VWA3B: variants seen among roughly 807,000 people sequenced by gnomAD.
The protein encoded by VWA3B is von Willebrand factor A domain-containing protein 3B.
In VWA3B, 138 loss-of-function variants were observed where a neutral mutation model predicts 158.3. The observed-to-expected ratio is 0.87, with a 90% confidence interval of 0.76 to 1.00. VWA3B has a LOEUF of 1.00. Among genes scored for constraint, VWA3B ranks in the 50% least tolerant of loss-of-function variants. The probability of loss-of-function intolerance (pLI) is 0.00; values close to 1 mark genes in which losing one functional copy is unlikely to be tolerated. For synonymous variants in VWA3B, 596 were observed against 587.3 expected, an observed-to-expected ratio of 1.01 and a Z score of -0.21; for missense variants, 1,555 against 1,565.1, an observed-to-expected ratio of 0.99 and a Z score of 0.11.
At chr2:98,115,805 G>A (rs929378968) in intron 3 of VWA3B, 59 bp downstream of exon 3, 3 of 1,402,230 alleles carry the variant, frequency 2.1e-6, no homozygotes, top group Admixed American at 3.4e-5. Context: ...TCACATCGGA[G>A]AGTGCAGTGT....
intron 2 of VWA3B, among the ~76,000 whole-genome samples, chr2:98,108,985 T>C (rs1432537243): frequency 1.4e-5 from 2 of 140,314 alleles, no homozygotes; most frequent in East Asian, 1.9e-4. Context: ...ATAATGTTTC[T>C]TTTCTTTTCT....
At chr2:98,147,824 A>G (rs867380786) in intron 7 of VWA3B, among the ~76,000 whole-genome samples, 16 of 151,552 alleles carry the variant, frequency 1.1e-4, no homozygotes, top group South Asian at 6.3e-4. Flanking sequence ...TACATTAGGT[A>G]TATCTCCTAA....
intron 7 of VWA3B, among the ~76,000 whole-genome samples, chr2:98,135,370 C>T (rs1285642075): frequency 9.4e-6 from 1 of 106,526 alleles, no homozygotes; most frequent in Non-Finnish European, 1.7e-5. Context: ...GAGTCTCGCT[C>T]TGTCGCCCAG....
At chr2:98,220,574 C>T (rs1684409824) in intron 14 of VWA3B, among the ~76,000 whole-genome samples, 2 of 152,128 alleles carry the variant, frequency 1.3e-5, no homozygotes, top group African/African-American at 4.8e-5. Context: ...ACCAGAAATA[C>T]CATTTGACCC....
chr2:98,312,569 C>T lies in VWA3B; in HGVS notation c.*220C>T, dbSNP rs1690977640. The T allele has an allele frequency of 1.8e-6, 1 of 555,102 alleles. No individual in the cohort carries two copies. Among genetic ancestry groups the T allele is most frequent in the African/African-American group, 1.9e-5 (1 of 53,506 alleles). The allele number at this position is 555,102 out of a possible 1,614,324, so 34.4% of individuals were successfully genotyped here. ...TGGCTTTTTCTGACTGTTCTTTATC[C>T]TGTTTTCCCCCTGCACTCACAAAAT... On this transcript the variant is annotated 3_prime_UTR_variant, in exon 28 of 28. Coordinates refer to ENST00000477737, the MANE Select transcript of VWA3B (RefSeq NM_144992.5).
intron 9 of VWA3B, among the ~76,000 whole-genome samples, chr2:98,184,373 C>T (rs146990130): frequency 0.014 from 2,155 of 152,306 alleles, 142 homozygotes; most frequent in Admixed American, 0.11. Flanking sequence ...AACCTCTTTC[C>T]GCCTTTTCTG....
chr2:98,322,057 C>A, the VWA3B span, among the ~76,000 whole-genome samples: 1 of 152,316 alleles, frequency 6.6e-6, no homozygotes, highest in South Asian at 2.1e-4. Context: ...CCATGTAAGT[C>A]ATGCCTTTTT....
At chr2:98,129,928 G>A (rs1381169364) in intron 6 of VWA3B, among the ~76,000 whole-genome samples, 8 of 152,092 alleles carry the variant, frequency 5.3e-5, no homozygotes, top group South Asian at 2.1e-4. Context: ...AGTGTTTCTC[G>A]TTAGGTGGAA....
At position 98,125,997 on chromosome 2, in the gene VWA3B, C is replaced by T. The variant is rs1675320826; in HGVS notation, c.703-2242C>T. Reference sequence around the variant, plus strand: ...GTTTTTCTAAGTGTCATCACGTGAGCAGAAAGGAGAGGCAGAAAGACCGTG... The same window carrying T: ...GTTTTTCTAAGTGTCATCACGTGAGTAGAAAGGAGAGGCAGAAAGACCGTG... On this transcript the variant is annotated intron_variant, in intron 5 of 27. Transcript: ENST00000477737. This position sits in a 1 kb window ranked among gnomAD's most constrained non-coding sequence, Gnocchi z 4.1. Among the ~76,000 whole-genome samples the T allele has an allele frequency of 6.6e-6, 1 of 152,064 alleles. No homozygotes were observed. The highest frequency in any genetic ancestry group is 2.4e-5 in the African/African-American group (1 of 41,400).
chr2:98,241,644 G>T (rs1686080643), intron 19 of VWA3B, among the ~76,000 whole-genome samples: 1 of 151,840 alleles, frequency 6.6e-6, no homozygotes, highest in Non-Finnish European at 1.5e-5. Flanking sequence ...GAGTAGTGAG[G>T]GTCTTGTTCT....
chr2:98,183,453 A>C (rs1206310151), intron 9 of VWA3B, among the ~76,000 whole-genome samples: 1 of 152,146 alleles, frequency 6.6e-6, no homozygotes, highest in Non-Finnish European at 1.5e-5. Context: ...AATGGCTAAA[A>C]AGGCCTTATT....
chr2:98,302,712 C>A (rs531399689), intron 25 of VWA3B, among the ~76,000 whole-genome samples: 3 of 152,160 alleles, frequency 2.0e-5, no homozygotes, highest in Non-Finnish European at 4.4e-5. Context: ...AGTAGGCATT[C>A]GAACACAGAC....
intron 13 of VWA3B, among the ~76,000 whole-genome samples, chr2:98,216,449 A>C (rs1277599203): frequency 6.6e-6 from 1 of 152,282 alleles, no homozygotes; most frequent in African/African-American, 2.4e-5. Context: ...CTAAAGCCTT[A>C]GCATAGGGTA....
intron 9 of VWA3B, among the ~76,000 whole-genome samples, chr2:98,183,120 T>A (rs1203355448): frequency 6.6e-6 from 1 of 151,654 alleles, no homozygotes; most frequent in Non-Finnish European, 1.5e-5. Context: ...GAATTTTACC[T>A]CAATTTTTTT....
chr2:98,326,709 A>G, the VWA3B span, among the ~76,000 whole-genome samples: 1 of 152,184 alleles, frequency 6.6e-6, no homozygotes, highest in East Asian at 1.9e-4. Flanking sequence ...GTGAGCCAAG[A>G]TTGTGCCACT....
At chr2:98,177,845 T>C (rs759218557) in intron 8 of VWA3B, among the ~76,000 whole-genome samples, 1 of 152,192 alleles carries the variant, frequency 6.6e-6, no homozygotes, top group Non-Finnish European at 1.5e-5. Flanking sequence ...CTTGAATTTA[T>C]ACTTGATAGA....
At chr2:98,297,404 T>C (rs1227188935) in intron 23 of VWA3B, among the ~76,000 whole-genome samples, 1 of 152,204 alleles carries the variant, frequency 6.6e-6, no homozygotes, top group Non-Finnish European at 1.5e-5. Flanking sequence ...TCTTTGTTCC[T>C]TTCAGCTGTA....
intron 8 of VWA3B, among the ~76,000 whole-genome samples, chr2:98,169,028 A>G (rs1306909121): frequency 6.6e-6 from 1 of 152,202 alleles, no homozygotes; most frequent in East Asian, 1.9e-4. Context: ...GGAAAACTAC[A>G]CCCAGAGACA....
intron 25 of VWA3B, among the ~76,000 whole-genome samples, chr2:98,301,898 A>G (rs1021381564): frequency 6.6e-6 from 1 of 151,984 alleles, no homozygotes; most frequent in African/African-American, 2.4e-5. Context: ...TGCCCTTTCT[A>G]TGTTTATTTA....
Sources: allele counts gnomAD v4.1 joint callset (sites outside exome capture counted in the v4.1 genomes callset), GRCh38; gene constraint gnomAD v4.1.1; non-coding constraint Gnocchi (gnomAD v3.1); transcripts MANE v1.5; gene names NCBI Gene and HGNC (gene_info 2026-07-23, HGNC 2026-07-21).